Variants in GRIP1 observed in about 807,000 individuals in gnomAD.
GRIP1 encodes the protein glutamate receptor-interacting protein 1.
Under a neutral mutation model 129.9 loss-of-function variants are expected in GRIP1, and 45 were observed. The ratio of observed to expected loss-of-function variants is 0.35; its 90% CI spans 0.27 to 0.44. The LOEUF (loss-of-function observed/expected upper bound fraction) is 0.44. Ranked by LOEUF, GRIP1 falls within the 20% of genes least tolerant of loss-of-function variation. GRIP1 has a pLI of 1.00. For missense variants in GRIP1, 1,196 were observed against 1,396.8 expected (o/e 0.86, Z 2.29); for synonymous variants, 530 against 520.8 (o/e 1.02, Z -0.24).
intron 1 of GRIP1, among the ~76,000 whole-genome samples, chr12:66,764,057 C>G (rs2037552609): frequency 6.6e-6 from 1 of 152,132 alleles, no homozygotes; most frequent in Non-Finnish European, 1.5e-5. Context: ...CAGCTGTGAA[C>G]AAGAGCAGCA....
chr12:66,862,586 G>A (rs544441851), intron 1 of GRIP1, among the ~76,000 whole-genome samples: 1 of 152,070 alleles, frequency 6.6e-6, no homozygotes, highest in South Asian at 2.1e-4. Flanking sequence ...ACAGCACAGT[G>A]CCCACAGGGT....
At position 66,397,696 on chromosome 12, in the gene GRIP1, C is replaced by T. The variant is rs141518103; in HGVS notation, c.1985-3344G>A. Among the ~76,000 whole-genome samples the T allele has an allele frequency of 4.8e-3, 731 of 152,040 alleles. 4 individuals carry two copies. Among genetic ancestry groups the T allele is most frequent in the African/African-American group, 0.017 (706 of 41,466 alleles). On this transcript the variant is annotated intron_variant, in intron 16 of 24. Coordinates refer to ENST00000359742, the MANE Select transcript of GRIP1 (RefSeq NM_001366722.1). The stretch of plus-strand genomic sequence containing the variant: ...TTTGAAAGAGTATTTTTTAGGCATA[C>T]GTTAGTAAAAAGATGGGATGATGCC...
chr12:67,055,433 A>G (rs948660306), intron 1 of GRIP1, among the ~76,000 whole-genome samples: 4 of 145,774 alleles, frequency 2.7e-5, no homozygotes, highest in African/African-American at 1.1e-4. Context: ...AATTTCTTCT[A>G]CTTTCTAAGT....
chr12:67,054,302 T>C (rs1271388854), intron 1 of GRIP1, among the ~76,000 whole-genome samples: 2 of 152,202 alleles, frequency 1.3e-5, no homozygotes, highest in African/African-American at 4.8e-5. Context: ...AAGCACCTAC[T>C]ATGAGCCAAG....
chr12:66,412,086 G>C lies in GRIP1; in HGVS notation c.1839-5658C>G, dbSNP rs138007211. Reference sequence around the variant, plus strand: ...GATATAATCCAGGAGAACTTCCCTAGCCTAGCAAGACAGGCCAACATTCAA... The same window carrying C: ...GATATAATCCAGGAGAACTTCCCTACCCTAGCAAGACAGGCCAACATTCAA... On this transcript the variant is annotated intron_variant, in intron 15 of 24. Coordinates refer to ENST00000359742, the MANE Select transcript of GRIP1 (RefSeq NM_001366722.1). 3.4e-3 allele frequency among the ~76,000 whole-genome samples: 512 copies of C among 152,274 alleles called. 3 individuals carry two copies. The highest frequency in any genetic ancestry group is 0.012 in the African/African-American group (487 of 41,552).
chr12:66,755,965 A>G (rs1257844271), intron 1 of GRIP1, among the ~76,000 whole-genome samples: 3 of 152,186 alleles, frequency 2.0e-5, no homozygotes. Flanking sequence ...AGCAGTAACC[A>G]GCCCTGGAAC....
At chr12:66,515,295 G>A (rs1399007818) in intron 7 of GRIP1, among the ~76,000 whole-genome samples, 1 of 151,976 alleles carries the variant, frequency 6.6e-6, no homozygotes, top group Non-Finnish European at 1.5e-5. Context: ...CAGTCCTTAA[G>A]TTAATAATAC....
intron 13 of GRIP1, among the ~76,000 whole-genome samples, chr12:66,438,352 A>G (rs1323033875): frequency 6.6e-6 from 1 of 152,224 alleles, no homozygotes; most frequent in Non-Finnish European, 1.5e-5. Context: ...TGGAGCAGAT[A>G]TACAGAAACA....
At position 66,542,032 on chromosome 12, in the gene GRIP1, C is replaced by T. The variant is rs58850953; in HGVS notation, c.137-82G>A. 13,426 of 1,296,870 alleles carry T rather than the reference C, an allele frequency of 0.01. 1,012 individuals carry two copies. In the African/African-American group the frequency reaches 0.17, roughly 16 times the overall value. 80.3% of individuals were successfully genotyped at this position (1,296,870 alleles called of 1,614,324 possible). A position where few individuals can be genotyped will look rare whatever the true frequency, so the allele number is the denominator to read the frequency against. ...TTCTCCTCCCCAGAAGTTCTTTCCA[C>T]TTTTTCTTTTATGAGAAAAGATATT... is the stretch of plus-strand genomic sequence containing the variant. On this transcript the variant is annotated intron_variant, in intron 2 of 24. Transcript: ENST00000359742.
At chr12:66,980,526 G>A (rs185727428) in intron 1 of GRIP1, among the ~76,000 whole-genome samples, 22 of 152,246 alleles carry the variant, frequency 1.4e-4, no homozygotes, top group Non-Finnish European at 2.8e-4. Context: ...CAGGAGAATC[G>A]CTTGAACTCA....
chr12:66,714,366 A>G (rs2136413228), intron 1 of GRIP1, among the ~76,000 whole-genome samples: 1 of 152,226 alleles, frequency 6.6e-6, no homozygotes, highest in African/African-American at 2.4e-5. Context: ...ATAAGAGTTA[A>G]TGGAAATGCA....
chr12:67,060,817 TC>T (rs1231667925), intron 1 of GRIP1, among the ~76,000 whole-genome samples: 1 of 84,060 alleles, frequency 1.2e-5, no homozygotes, highest in Non-Finnish European at 2.3e-5. Context: ...AGAACGAAAC[TC>T]CGTCTCAAAA....
intron 1 of GRIP1, among the ~76,000 whole-genome samples, chr12:67,043,093 C>CCAAGGCTGGCTCTG (rs1171115665): frequency 2.0e-5 from 3 of 152,074 alleles, no homozygotes; most frequent in African/African-American, 7.2e-5. Flanking sequence ...CTGACAAAGG[C>CCAAGGCTGGCTCTG]CAAGGCTGGC....
intron 1 of GRIP1, among the ~76,000 whole-genome samples, chr12:66,809,606 T>C (rs1442543279): frequency 6.6e-6 from 1 of 152,092 alleles, no homozygotes; most frequent in African/African-American, 2.4e-5. Flanking sequence ...CCCTTCTTAC[T>C]AACTGAAACT....
At chr12:66,904,706 C>T (rs1044571378) in intron 1 of GRIP1, among the ~76,000 whole-genome samples, 7 of 152,092 alleles carry the variant, frequency 4.6e-5, no homozygotes, top group South Asian at 4.2e-4. Context: ...TCCTGGCCAA[C>T]GTGGTGAAAC....
chr12:66,872,253 A>C lies in GRIP1; in HGVS notation c.58+196797T>G, dbSNP rs1056503833. Among the ~76,000 whole-genome samples, 80 of 152,108 alleles carry C rather than the reference A, an allele frequency of 5.3e-4. 1 individual carries two copies. The highest frequency in any genetic ancestry group is 1.8e-3 in the African/African-American group (75 of 41,536). ...GGGGAGTCCTAACTATTTTGCTGGCATTGGTGGCAGCAGAGGCATCCAACA... is the reference window on the plus strand; with the variant it reads ...GGGGAGTCCTAACTATTTTGCTGGCCTTGGTGGCAGCAGAGGCATCCAACA... On this transcript the variant is annotated intron_variant, in intron 1 of 1. Transcript: ENST00000643019.
intron 2 of GRIP1, among the ~76,000 whole-genome samples, chr12:66,591,750 G>A (rs1360496995): frequency 1.3e-5 from 2 of 151,958 alleles, no homozygotes; most frequent in African/African-American, 2.4e-5. Context: ...CTACCTCAAT[G>A]TCCTGAGTAG....
At chr12:66,546,172 A>G (rs1324006673) in intron 2 of GRIP1, among the ~76,000 whole-genome samples, 1 of 152,210 alleles carries the variant, frequency 6.6e-6, no homozygotes, top group Non-Finnish European at 1.5e-5. Context: ...CAATTTCAAA[A>G]CTTACATAGT....
At chr12:66,451,565 G>C (rs1196046067) in intron 11 of GRIP1, among the ~76,000 whole-genome samples, 1 of 151,402 alleles carries the variant, frequency 6.6e-6, no homozygotes, top group Non-Finnish European at 1.5e-5. Context: ...CACCACACCT[G>C]GTTGATTTTT....
Sources: allele counts gnomAD v4.1 joint callset (sites outside exome capture counted in the v4.1 genomes callset), GRCh38; gene constraint gnomAD v4.1.1; transcripts MANE v1.5; gene names NCBI Gene and HGNC (gene_info 2026-07-23, HGNC 2026-07-21).